The following DGKI variants were observed in gnomAD, a reference collection of about 807,000 sequenced individuals.
DGKI encodes the protein diacylglycerol kinase iota, also known as DAG kinase iota.
DGKI carries 55 observed loss-of-function variants against 147.5 expected under a neutral mutation model. The observed-to-expected ratio is 0.37, with a 90% CI of 0.30 to 0.47. The LOEUF (loss-of-function observed/expected upper bound fraction) is 0.47, where lower values mean the gene tolerates loss of function less well. DGKI is among the 20% of genes least tolerant of loss of function. DGKI has a pLI of 1.00. For synonymous variants in DGKI, 469 were observed against 477.1 expected (o/e 0.98, Z 0.22); for missense variants, 1,007 against 1,323.8 (o/e 0.76, Z 3.71).
chr7:137,803,668 CACTT>C (rs1343033997), intron 1 of DGKI, among the ~76,000 whole-genome samples: 2 of 152,148 alleles, frequency 1.3e-5, no homozygotes, highest in African/African-American at 4.8e-5. Context: ...TGTTTTCCTC[CACTT>C]ACTTAAGAAT....
At chr7:137,472,396 A>ATTATATGTATATGTACATATT (rs1396290321) in intron 23 of DGKI, among the ~76,000 whole-genome samples, 1 of 94,726 alleles carries the variant, frequency 1.1e-5, no homozygotes, top group African/African-American at 6.2e-5. Context: ...TACATATTAT[A>ATTATATGTATATGTACATATT]ATTATTATAT....
chr7:137,427,633 A>G lies in DGKI; in HGVS notation c.2762-15426T>C, dbSNP rs547068073. Among the ~76,000 whole-genome samples, 3 of 152,306 alleles carry G rather than the reference A, an allele frequency of 2.0e-5. No homozygotes were observed. In the East Asian group the frequency reaches 5.8e-4, roughly 29 times the overall value. On this transcript the variant is annotated intron_variant, in intron 28 of 32. Coordinates refer to ENST00000614521, the MANE Select transcript of DGKI (RefSeq NM_001321708.2). ...AGGAGCTGGTTTTTTGAAAGGATCA[A>G]CAAAATTGATAGACCACTAGCAAGA...
chr7:137,670,847 A>G (rs891871353), intron 3 of DGKI, among the ~76,000 whole-genome samples: 3 of 152,222 alleles, frequency 2.0e-5, no homozygotes, highest in Non-Finnish European at 4.4e-5. Flanking sequence ...GACAACTGGC[A>G]TTTGAGGCTG....
intron 14 of DGKI, among the ~76,000 whole-genome samples, chr7:137,582,840 C>T (rs572465938): frequency 3.9e-5 from 6 of 152,250 alleles, no homozygotes; most frequent in East Asian, 1.9e-4. Context: ...GGCTGGTTCT[C>T]CCGCTTTTCC....
At chr7:137,736,984 G>T (rs1365407750) in intron 1 of DGKI, among the ~76,000 whole-genome samples, 1 of 151,884 alleles carries the variant, frequency 6.6e-6, no homozygotes, top group Non-Finnish European at 1.5e-5. Flanking sequence ...TTGAATCAAA[G>T]TTTGGGCAAT....
chr7:137,453,603 G>A (rs548954681), intron 27 of DGKI, among the ~76,000 whole-genome samples: 20 of 152,246 alleles, frequency 1.3e-4, no homozygotes, highest in Admixed American at 3.3e-4. Context: ...TGAAATGAGA[G>A]AAAGACAAAC....
At chr7:137,746,348 A>C (rs1004845656) in intron 1 of DGKI, among the ~76,000 whole-genome samples, 2 of 152,152 alleles carry the variant, frequency 1.3e-5, no homozygotes, top group Non-Finnish European at 1.5e-5. Context: ...AAGGTGATAC[A>C]AACTTGACAA....
intron 10 of DGKI, among the ~76,000 whole-genome samples, chr7:137,602,699 TAACTGA>T (rs1820036019): frequency 6.6e-6 from 1 of 152,172 alleles, no homozygotes; most frequent in Non-Finnish European, 1.5e-5. Context: ...TTATTAAATG[TAACTGA>T]ATGGTTTGAC....
At chr7:137,648,256 T>C (rs1821901710) in intron 5 of DGKI, among the ~76,000 whole-genome samples, 1 of 152,226 alleles carries the variant, frequency 6.6e-6, no homozygotes. Context: ...AATCACCTAA[T>C]GACTATCAAT....
chr7:137,567,559 G>T (rs745537839), intron 19 of DGKI, among the ~76,000 whole-genome samples: 32 of 152,128 alleles, frequency 2.1e-4, no homozygotes, highest in Non-Finnish European at 3.4e-4. Flanking sequence ...CAGGACAAAT[G>T]ACCAGTTTCT....
rs531941653 is a variant in DGKI, at chr7:137,749,606, C to T, written c.402-59604G>A. Reference sequence around the variant, plus strand: ...AGCTTGTAGACAGAGGATTTAAGGGCTAGGGAGAAATGTCTGAAATAGAGA... The same window carrying T: ...AGCTTGTAGACAGAGGATTTAAGGGTTAGGGAGAAATGTCTGAAATAGAGA... On this transcript the variant is annotated intron_variant, in intron 1 of 32. Transcript: ENST00000614521. 3.9e-5 allele frequency among the ~76,000 whole-genome samples: 6 copies of T among 152,242 alleles called. No homozygotes were observed. In the South Asian group the frequency reaches 1.2e-3, roughly 32 times the overall value.
intron 27 of DGKI, among the ~76,000 whole-genome samples, chr7:137,450,414 TA>T (rs1389868458): frequency 6.6e-6 from 1 of 152,200 alleles, no homozygotes; most frequent in Non-Finnish European, 1.5e-5. Flanking sequence ...ATTTTAAAAT[TA>T]TTTTTAAAGA....
intron 1 of DGKI, among the ~76,000 whole-genome samples, chr7:137,783,278 A>G (rs116480413): frequency 2.0e-5 from 3 of 152,330 alleles, no homozygotes; most frequent in African/African-American, 7.2e-5. Flanking sequence ...GACTGCATAA[A>G]TAAGAAACCA....
chr7:137,445,530 A>T (rs2128918132), intron 27 of DGKI, among the ~76,000 whole-genome samples: 1 of 152,258 alleles, frequency 6.6e-6, no homozygotes, highest in South Asian at 2.1e-4. Flanking sequence ...TTTATCATCC[A>T]CATACCAGCC....
At position 137,654,754 on chromosome 7, in the gene DGKI, C is replaced by A; in HGVS notation, c.716G>T (p.Gly239Val). The A allele has an allele frequency of 6.2e-7, 1 of 1,609,142 alleles. No homozygotes were observed. The highest frequency in any genetic ancestry group is 8.5e-7 in the Non-Finnish European group (1 of 1,176,426). Residue 239 changes from glycine (G) to valine (V), a missense_variant, in exon 5 of 33, where the codon GGA (glycine) becomes GTA (valine). Physicochemically the swap from Gly to Val is moderately radical, Grantham distance 109. Around this residue, in one of 5 missense-constraint regions of DGKI, gnomAD observed 259 missense variants for 362.5 expected, o/e 0.71. Coordinates refer to ENST00000614521, the MANE Select transcript of DGKI (RefSeq NM_001321708.2). ...NFRCKPTFRE[G>V]GSRSPRENFV... ...CACTTCTCTTGGTGACCTTGAGCCT[C>A]CTTCTCGAAATGTTGGTTTACATCT...
intron 6 of DGKI, among the ~76,000 whole-genome samples, chr7:137,625,392 G>A (rs975813148): frequency 6.6e-6 from 1 of 152,022 alleles, no homozygotes; most frequent in Non-Finnish European, 1.5e-5. Flanking sequence ...TCCAAGAGTC[G>A]GAAGTGGCAG....
At chr7:137,414,569 G>T (rs1731961) in intron 28 of DGKI, among the ~76,000 whole-genome samples, 141,613 of 151,048 alleles carry the variant, frequency 0.94, 67,047 homozygotes, top group East Asian at 1. Flanking sequence ...GAAAACACAG[G>T]GTCTCACTCT....
chr7:137,631,562 G>C (rs1036719334), intron 6 of DGKI, among the ~76,000 whole-genome samples: 1 of 152,146 alleles, frequency 6.6e-6, no homozygotes, highest in African/African-American at 2.4e-5. Context: ...GCAGGAATGG[G>C]AGAGAGTGGG....
chr7:137,487,360 C>T (rs1438603621), intron 22 of DGKI, among the ~76,000 whole-genome samples: 1 of 152,034 alleles, frequency 6.6e-6, no homozygotes, highest in Non-Finnish European at 1.5e-5. Flanking sequence ...TGACAAGTTC[C>T]AAGCTATAGT....
Sources: allele counts gnomAD v4.1 joint callset (sites outside exome capture counted in the v4.1 genomes callset), GRCh38; gene constraint gnomAD v4.1.1; regional missense constraint gnomAD v4.1.1; transcripts MANE v1.5; gene names NCBI Gene and HGNC (gene_info 2026-07-23, HGNC 2026-07-21).